SUCLA2: variants seen among roughly 807,000 people sequenced by gnomAD.
SUCLA2 encodes the protein succinate-CoA ligase ADP-forming subunit beta.
In SUCLA2, 30 loss-of-function variants were observed where a neutral mutation model predicts 54.8. The ratio of observed to expected loss-of-function variants is 0.55; its 90% CI spans 0.41 to 0.74. SUCLA2 has a LOEUF of 0.74. Among genes scored for constraint, SUCLA2 ranks in the 30% least tolerant of loss-of-function variants. The pLI, the probability that SUCLA2 is intolerant of heterozygous loss-of-function variation, is 0.00. For missense variants in SUCLA2, 476 were observed against 562.9 expected (o/e 0.85, Z 1.56); for synonymous variants, 172 against 188.9 (o/e 0.91, Z 0.74).
At chr13:47,994,496 A>G (rs1450835238) in intron 2 of SUCLA2, among the ~76,000 whole-genome samples, 1 of 146,720 alleles carries the variant, frequency 6.8e-6, no homozygotes, top group Non-Finnish European at 1.5e-5. Context: ...TGAACCTGGG[A>G]GACGGAGGTT....
intron 6 of SUCLA2, among the ~76,000 whole-genome samples, chr13:47,957,856 GGA>G (rs1199420749): frequency 6.6e-6 from 1 of 152,198 alleles, no homozygotes; most frequent in Non-Finnish European, 1.5e-5. Flanking sequence ...CCCAACTAAT[GGA>G]GAGAGGAAGC....
At chr13:47,976,879 G>C (rs147513136) in intron 4 of SUCLA2, among the ~76,000 whole-genome samples, 113 of 151,976 alleles carry the variant, frequency 7.4e-4, no homozygotes, top group Non-Finnish European at 1.5e-3. Context: ...CAGAATTTCA[G>C]ATTTGGGATG....
At chr13:47,947,302 T>A (rs61972238) in intron 10 of SUCLA2, among the ~76,000 whole-genome samples, 1 of 141,128 alleles carries the variant, frequency 7.1e-6, no homozygotes, top group Non-Finnish European at 1.6e-5. Flanking sequence ...CACACACACC[T>A]GAAAACAAAA....
intron 8 of SUCLA2, among the ~76,000 whole-genome samples, chr13:47,950,981 A>G (rs912161257): frequency 1.3e-5 from 2 of 152,150 alleles, no homozygotes; most frequent in Non-Finnish European, 2.9e-5. Flanking sequence ...AATTCATAAC[A>G]GACTAGAACT....
At chr13:47,989,754 T>C (rs1244166645) in intron 2 of SUCLA2, among the ~76,000 whole-genome samples, 1 of 152,102 alleles carries the variant, frequency 6.6e-6, no homozygotes, top group Non-Finnish European at 1.5e-5. Context: ...TTGGGGGATA[T>C]TACCATTACC....
intron 4 of SUCLA2, among the ~76,000 whole-genome samples, chr13:47,983,486 T>C (rs1950074782): frequency 2.0e-5 from 2 of 102,326 alleles, no homozygotes; most frequent in African/African-American, 7.1e-5. Flanking sequence ...AGTTTTCTTT[T>C]CCCTTTTTTT....
At chr13:47,982,215 T>C (rs1950065634) in intron 4 of SUCLA2, among the ~76,000 whole-genome samples, 1 of 152,062 alleles carries the variant, frequency 6.6e-6, no homozygotes, top group South Asian at 2.1e-4. Flanking sequence ...CATCAAAAGA[T>C]GAATGGATAA....
chr13:47,994,907 T>C (rs1950178778), intron 2 of SUCLA2: 2 of 971,210 alleles, frequency 2.1e-6, no homozygotes, highest in South Asian at 4.8e-5. Flanking sequence ...CTAAGAATCA[T>C]TAAGTTTTTA....
At chr13:47,999,424 C>T (rs1288449210) in intron 1 of SUCLA2, among the ~76,000 whole-genome samples, 1 of 152,128 alleles carries the variant, frequency 6.6e-6, no homozygotes, top group Non-Finnish European at 1.5e-5. Context: ...ATGTTTAAAA[C>T]AGGCCGGGTG....
chr13:47,951,989 TA>T (rs11404279), intron 8 of SUCLA2, among the ~76,000 whole-genome samples: 92,028 of 130,984 alleles, frequency 0.7, 32,795 homozygotes, highest in Non-Finnish European at 0.8. Flanking sequence ...CATGCCTTTG[TA>T]AAAAAAAAAA....
intron 6 of SUCLA2, among the ~76,000 whole-genome samples, chr13:47,967,822 C>T (rs1384482268): frequency 2.2e-5 from 3 of 135,370 alleles, no homozygotes; most frequent in African/African-American, 5.6e-5. Flanking sequence ...CCAGTGTGGG[C>T]GACAAAGCAA....
At chr13:47,961,372 A>C (rs1949869762) in intron 6 of SUCLA2, among the ~76,000 whole-genome samples, 1 of 152,114 alleles carries the variant, frequency 6.6e-6, no homozygotes, top group Non-Finnish European at 1.5e-5. Context: ...GAAAAAGTAA[A>C]TGTTTTTGTA....
intron 1 of SUCLA2, among the ~76,000 whole-genome samples, chr13:47,999,641 A>G (rs1275827066): frequency 1.3e-5 from 2 of 151,598 alleles, no homozygotes; most frequent in African/African-American, 4.9e-5. Context: ...CGGGAGGCGG[A>G]GCTTGCAGTG....
chr13:47,973,116 CA>C (rs1949982051), intron 5 of SUCLA2, 147 bp downstream of exon 5: 1 of 684,424 alleles, frequency 1.5e-6, no homozygotes, highest in African/African-American at 1.8e-5. Context: ...TAAATAATTC[CA>C]AAATGAGCTA....
chr13:47,986,499 T>C (rs9526429), intron 4 of SUCLA2, among the ~76,000 whole-genome samples: 110,923 of 152,162 alleles, frequency 0.73, 41,391 homozygotes, highest in Non-Finnish European at 0.81. Context: ...AGGTTGTGTG[T>C]TCACTATGAT....
intron 8 of SUCLA2, among the ~76,000 whole-genome samples, chr13:47,950,444 T>C (rs1886975): frequency 0.62 from 94,947 of 151,934 alleles, 30,643 homozygotes; most frequent in East Asian, 0.77. Context: ...GGGGTACATA[T>C]GCATAGACCT....
chr13:47,999,729 G>T, intron 1 of SUCLA2, among the ~76,000 whole-genome samples: 1 of 151,730 alleles, frequency 6.6e-6, no homozygotes, highest in Admixed American at 6.6e-5. Context: ...AAAAAAATGT[G>T]GAAAACAAAT....
chr13:47,943,851 A>T (rs959672920), intron 10 of SUCLA2, among the ~76,000 whole-genome samples: 1 of 151,286 alleles, frequency 6.6e-6, no homozygotes, highest in African/African-American at 2.4e-5. Flanking sequence ...CTCAAAGCAC[A>T]TCTAAGTAAA....
chr13:47,966,864 A>C (rs1164559273), intron 6 of SUCLA2, among the ~76,000 whole-genome samples: 2 of 152,050 alleles, frequency 1.3e-5, no homozygotes, highest in Non-Finnish European at 2.9e-5. Context: ...AATTTTAAAA[A>C]GAATTAGCCA....
Sources: allele counts gnomAD v4.1 joint callset (sites outside exome capture counted in the v4.1 genomes callset), GRCh38; gene constraint gnomAD v4.1.1; transcripts MANE v1.5; gene names NCBI Gene and HGNC (gene_info 2026-07-23, HGNC 2026-07-21).